The following ARIH1 variants were observed in gnomAD, a reference collection of about 807,000 sequenced individuals.
ARIH1 encodes ariadne RBR E3 ubiquitin protein ligase 1.
A neutral mutation model predicts 85.0 loss-of-function variants in ARIH1; 8 were observed. The ratio of observed to expected loss-of-function variants is 0.09; its 90% confidence interval spans 0.06 to 0.17. The LOEUF is 0.17. Ranked by LOEUF, ARIH1 falls within the 10% of genes least tolerant of loss-of-function variation. ARIH1 has a pLI of 1.00. For synonymous variants in ARIH1, 238 were observed against 253.6 expected (o/e 0.94, Z 0.59); for missense variants, 311 against 718.1 (o/e 0.43, Z 6.48).
chr15:72,545,833 T>C (rs567090789), intron 3 of ARIH1, among the ~76,000 whole-genome samples: 1 of 152,262 alleles, frequency 6.6e-6, no homozygotes, highest in Non-Finnish European at 1.5e-5. Context: ...CGTCTCAAAA[T>C]ATAAAATAGA....
intron 6 of ARIH1, among the ~76,000 whole-genome samples, chr15:72,563,191 C>T (rs756655847): frequency 1.3e-5 from 2 of 152,126 alleles, no homozygotes; most frequent in African/African-American, 2.4e-5. Flanking sequence ...GTCGGGACTA[C>T]AGGCACATAC....
rs1186469999 is a variant in ARIH1, at chr15:72,474,605, C to G, written c.-35C>G. 8 of 1,495,544 alleles carry G rather than the reference C, an allele frequency of 5.3e-6. No homozygotes were observed. The highest frequency in any genetic ancestry group is 7.1e-6 in the Non-Finnish European group (8 of 1,124,846). The allele number at this position is 1,495,544 out of a possible 1,614,324, so 92.6% of individuals were successfully genotyped here. A position where few individuals can be genotyped will look rare whatever the true frequency, so the allele number is the denominator to read the frequency against. On this transcript the variant is annotated 5_prime_UTR_variant, in exon 1 of 14. Transcript: ENST00000379887. ...CGGCGTCCCCGCCCTCTCCCCGCCT[C>G]GGCCAGCGTCCGCCGGGCCCCCGCG...
In ARIH1 at chr15:72,518,164, T is replaced by G. The variant is rs1326298276; in HGVS notation, c.443+30T>G. 3 of 1,548,974 alleles carry G rather than the reference T, an allele frequency of 1.9e-6. No homozygotes were observed. In the South Asian group the frequency reaches 3.5e-5, roughly 18 times the overall value. Reference sequence around the variant, plus strand: ...GGAACTATATTGTCAGCTTTGTACTTAGAAGTAACACAGAAAGCCTATTGA... The same window carrying G: ...GGAACTATATTGTCAGCTTTGTACTGAGAAGTAACACAGAAAGCCTATTGA... On this transcript the variant is annotated intron_variant, in intron 2 of 13. Coordinates refer to ENST00000379887, the MANE Select transcript of ARIH1 (RefSeq NM_005744.5).
Position 72,526,130 on chromosome 15 carries a change from T to G in ARIH1, c.443+7996T>G, listed in dbSNP as rs2064027047. On this transcript the variant is annotated intron_variant, in intron 2 of 13. Coordinates refer to ENST00000379887, the MANE Select transcript of ARIH1 (RefSeq NM_005744.5). ...ATGGGTAACACTGAATGTATTAAAG[T>G]GTCATTTCTCCTTATTTCGATATAT... 2.0e-5 allele frequency among the ~76,000 whole-genome samples: 3 copies of G among 152,310 alleles called. 1 individual carries two copies. The South Asian group carries it at 6.2e-4, about 32-fold the overall frequency.
rs1331567844 is a variant in ARIH1 at position 72,586,466 on chromosome 15, G to A, written c.*3174G>A. On this transcript the variant is annotated 3_prime_UTR_variant, in exon 14 of 14. Transcript: ENST00000379887. ...AGCACCCTATGCTGTGGAAATAACT[G>A]TTCTTAGATTTCATTGTAACTGGAC... 6.6e-6 allele frequency: 1 copy of A among 152,166 alleles called. No homozygotes were observed. Among genetic ancestry groups the A allele is most frequent in the Non-Finnish European group, 1.5e-5 (1 of 68,020 alleles). The allele number at this position is 152,166 out of a possible 1,614,324, so 9.4% of individuals were successfully genotyped here.
chr15:72,526,900 T>C (rs2064031433), intron 2 of ARIH1, among the ~76,000 whole-genome samples: 1 of 151,666 alleles, frequency 6.6e-6, no homozygotes, highest in African/African-American at 2.4e-5. Context: ...TTAATTTCTC[T>C]TCTGTTTTAC....
At chr15:72,503,467 A>G (rs2063911939) in intron 1 of ARIH1, among the ~76,000 whole-genome samples, 1 of 152,166 alleles carries the variant, frequency 6.6e-6, no homozygotes, top group African/African-American at 2.4e-5. Flanking sequence ...TAGTGGTCCC[A>G]TTGGTAGCTT....
Position 72,586,935 on chromosome 15 carries a change from C to A in ARIH1, c.*3643C>A. On this transcript the variant is annotated 3_prime_UTR_variant, in exon 14 of 14. Transcript: ENST00000379887. ...CTTTCATTTTAGCTCACTCTTAAAGCTGATACTGTTATATAGGGATGAAGG... is the reference window on the plus strand; with the variant it reads ...CTTTCATTTTAGCTCACTCTTAAAGATGATACTGTTATATAGGGATGAAGG... 1 of 261,732 alleles carries A rather than the reference C, an allele frequency of 3.8e-6. No individual in the cohort carries two copies. The highest frequency in any genetic ancestry group is 1.3e-4 in the East Asian group (1 of 7,992). The allele number at this position is 261,732 out of a possible 1,614,324, so 16.2% of individuals were successfully genotyped here. A position where few individuals can be genotyped will look rare whatever the true frequency, so the allele number is the denominator to read the frequency against.
chr15:72,521,130 C>T (rs540863916), intron 2 of ARIH1, among the ~76,000 whole-genome samples: 8 of 151,672 alleles, frequency 5.3e-5, no homozygotes, highest in Non-Finnish European at 1.0e-4. Flanking sequence ...CAGACATGAG[C>T]CACTGTGCCC....
chr15:72,532,251 G>A (rs895335214), intron 2 of ARIH1, among the ~76,000 whole-genome samples: 3 of 150,932 alleles, frequency 2.0e-5, no homozygotes, highest in African/African-American at 7.3e-5. Context: ...TATTAGGAAT[G>A]AAAACAGAGT....
chr15:72,512,208 T>A (rs1009762460), intron 1 of ARIH1, among the ~76,000 whole-genome samples: 1 of 152,056 alleles, frequency 6.6e-6, no homozygotes, highest in South Asian at 2.1e-4. Flanking sequence ...AAGAGTGGTG[T>A]AGAATTTTTT....
chr15:72,545,105 G>A (rs2064123224), intron 3 of ARIH1, 141 bp downstream of exon 3: 1 of 728,588 alleles, frequency 1.4e-6, no homozygotes, highest in Non-Finnish European at 1.9e-6. Context: ...TTCAGTGTGA[G>A]GAAAGGAAGA....
intron 3 of ARIH1, among the ~76,000 whole-genome samples, chr15:72,546,158 C>G (rs2064128150): frequency 6.6e-6 from 1 of 152,134 alleles, no homozygotes; most frequent in Non-Finnish European, 1.5e-5. Flanking sequence ...CCTTTTCCCT[C>G]AGCCTCCCAA....
chr15:72,529,653 AT>A (rs2064047036), intron 2 of ARIH1, among the ~76,000 whole-genome samples: 1 of 152,142 alleles, frequency 6.6e-6, no homozygotes. Flanking sequence ...ATAAATTTTT[AT>A]TTTTGACCTA....
intron 1 of ARIH1, chr15:72,496,759 G>A (rs1036670683): frequency 2.1e-6 from 2 of 973,732 alleles, no homozygotes; most frequent in Non-Finnish European, 2.4e-6. Context: ...TTGCCGCTGT[G>A]GCCCATTGAT....
chr15:72,553,577 C>A (rs912464207), intron 3 of ARIH1, among the ~76,000 whole-genome samples: 1 of 152,150 alleles, frequency 6.6e-6, no homozygotes, highest in African/African-American at 2.4e-5. Context: ...AACTGCTCAT[C>A]TGTTTTCTTT....
intron 2 of ARIH1, among the ~76,000 whole-genome samples, chr15:72,519,363 C>T (rs2140411603): frequency 6.7e-6 from 1 of 149,286 alleles, no homozygotes; most frequent in South Asian, 2.1e-4. Context: ...TTAATAGTAA[C>T]AACTATCTCA....
intron 11 of ARIH1, among the ~76,000 whole-genome samples, chr15:72,573,379 G>A (rs2064257014): frequency 6.6e-6 from 1 of 152,034 alleles, no homozygotes; most frequent in South Asian, 2.1e-4. Context: ...TGGCCACTAT[G>A]GTGAAACACT....
intron 2 of ARIH1, among the ~76,000 whole-genome samples, chr15:72,543,378 T>A (rs986125207): frequency 1.3e-5 from 2 of 152,058 alleles, no homozygotes; most frequent in Non-Finnish European, 2.9e-5. Context: ...AGCATTTGAT[T>A]TTCTGCTTTA....
Sources: allele counts gnomAD v4.1 joint callset (sites outside exome capture counted in the v4.1 genomes callset), GRCh38; gene constraint gnomAD v4.1.1; transcripts MANE v1.5; gene names NCBI Gene and HGNC (gene_info 2026-07-23, HGNC 2026-07-21).